Variants in PRAMEF15 observed in about 807,000 individuals in gnomAD.
PRAMEF15 encodes the protein PRAME family member 9/15.
A neutral mutation model predicts 35.3 loss-of-function variants in PRAMEF15; 21 were observed. The observed-to-expected ratio is 0.59, with a 90% CI of 0.42 to 0.86. The LOEUF (loss-of-function observed/expected upper bound fraction) is 0.86, where lower values mean the gene tolerates loss of function less well. Ranked by LOEUF, PRAMEF15 falls within the 40% of genes least tolerant of loss-of-function variation. The pLI is 0.00. For synonymous variants in PRAMEF15, 122 were observed against 223.3 expected, an observed-to-expected ratio of 0.55 and a Z score of 4.05; for missense variants, 360 against 574.1, an observed-to-expected ratio of 0.63 and a Z score of 3.81.
At chr1:13,317,031 A>G (rs1640013455) in intron 1 of PRAMEF15, among the ~76,000 whole-genome samples, 2 of 150,752 alleles carry the variant, frequency 1.3e-5, no homozygotes, top group African/African-American at 4.9e-5. Context: ...CAAAAATCCA[A>G]TAAGGATTAA....
intron 1 of PRAMEF15, among the ~76,000 whole-genome samples, chr1:13,316,327 G>T (rs1461330646): frequency 6.6e-6 from 1 of 151,596 alleles, no homozygotes; most frequent in Non-Finnish European, 1.5e-5. Flanking sequence ...TGGGTGGCTG[G>T]TGTGGGAGAA....
At chr1:13,320,323 C>G (rs1184294998) in intron 3 of PRAMEF15, among the ~76,000 whole-genome samples, 2 of 152,046 alleles carry the variant, frequency 1.3e-5, no homozygotes, top group African/African-American at 4.8e-5. Context: ...CTTTGGGAGT[C>G]TGAGGCAAGA....
chr1:13,316,662 C>G (rs1490332961), intron 1 of PRAMEF15, among the ~76,000 whole-genome samples: 1 of 151,586 alleles, frequency 6.6e-6, no homozygotes, highest in Non-Finnish European at 1.5e-5. Context: ...TCCCTCAGCA[C>G]CAAAAAAAAT....
rs1370285419 is a variant in PRAMEF15 at position 13,318,518 on chromosome 1, T to G, written c.111T>G (p.Leu37=). The G allele has an allele frequency of 2.5e-6, 4 of 1,601,634 alleles. No homozygotes were observed. In the African/African-American group the frequency reaches 5.3e-5, roughly 21 times the overall value. Reference sequence around the variant, plus strand: ...CCCTGGAGGAGCTGCCCACAGAACTTTTCCCCCCACTGTTCATGGAGGCCT... The same window carrying G: ...CCCTGGAGGAGCTGCCCACAGAACTGTTCCCCCCACTGTTCATGGAGGCCT... ...MSTLEELPTE[L]FPPLFMEAFS... is the part of the protein sequence containing the mutation. Residue 37 remains leucine, a synonymous_variant, in exon 2 of 4, where the codon CTT becomes CTG. Coordinates refer to ENST00000376152, the MANE Select transcript of PRAMEF15 (RefSeq NM_001098376.3).
intron 3 of PRAMEF15, among the ~76,000 whole-genome samples, chr1:13,320,558 G>A (rs1478320871): frequency 6.6e-6 from 1 of 151,920 alleles, no homozygotes; most frequent in African/African-American, 2.4e-5. Flanking sequence ...TGAGTGCCTG[G>A]GATTACAGGC....
chr1:13,321,962 T>C lies in PRAMEF15; in HGVS notation c.1135T>C (p.Cys379Arg). 1.2e-6 allele frequency: 2 copies of C among 1,611,018 alleles called. No homozygotes were observed. The highest frequency in any genetic ancestry group is 1.7e-6 in the Non-Finnish European group (2 of 1,179,648). The change falls in exon 4 of 4, where the codon TGC becomes CGC. Residue 379 changes from cysteine to arginine, a missense_variant. Transcript: ENST00000376152. ...CGCCATCCTGCCTGCCCTGAGCCGC[T>C]GCTTTGAGCTCAACACCTTCAGCTT... is the stretch of plus-strand genomic sequence containing the variant. ...VNAILPALSR[C>R]FELNTFSFCG...
At position 13,321,934 on chromosome 1, in the gene PRAMEF15, C is replaced by G. The variant is rs1474858878; in HGVS notation, c.1107C>G (p.Val369=). The change falls in exon 4 of 4, where the codon GTC becomes GTG. Residue 369 remains valine (V), a synonymous_variant. Coordinates refer to ENST00000376152, the MANE Select transcript of PRAMEF15 (RefSeq NM_001098376.3). ...LDDCGIIDSQ[V]NAILPALSRC... ...ACTGTGGCATCATAGACTCCCAAGTCAACGCCATCCTGCCTGCCCTGAGCC... is the reference window on the plus strand; with the variant it reads ...ACTGTGGCATCATAGACTCCCAAGTGAACGCCATCCTGCCTGCCCTGAGCC... 2.0e-3 allele frequency: 3,200 copies of G among 1,611,022 alleles called. 100 individuals are homozygous for G. In the South Asian group the frequency reaches 0.033, roughly 17 times the overall value.
At chr1:13,316,305 G>T (rs1459446445) in intron 1 of PRAMEF15, among the ~76,000 whole-genome samples, 1 of 149,730 alleles carries the variant, frequency 6.7e-6, no homozygotes, top group Non-Finnish European at 1.5e-5. Flanking sequence ...TGCATCTGTA[G>T]TCCCAGCTAT....
intron 1 of PRAMEF15, among the ~76,000 whole-genome samples, chr1:13,318,145 G>T (rs1640030814): frequency 6.6e-6 from 1 of 152,040 alleles, no homozygotes; most frequent in Non-Finnish European, 1.5e-5. Context: ...ACTAGTCACT[G>T]GATGGAGCAC....
intron 1 of PRAMEF15, among the ~76,000 whole-genome samples, chr1:13,316,063 G>A (rs1244398169): frequency 2.0e-5 from 3 of 150,874 alleles, no homozygotes; most frequent in African/African-American, 4.9e-5. Flanking sequence ...GCAGTGGCAC[G>A]ATCTCAACTC....
Position 13,321,803 on chromosome 1 carries a change from A to G in PRAMEF15, c.976A>G (p.Lys326Glu). 6.2e-7 allele frequency: 1 copy of G among 1,608,496 alleles called. No individual in the cohort carries two copies. The highest frequency in any genetic ancestry group is 8.5e-7 in the Non-Finnish European group (1 of 1,177,626). Reference protein sequence around the residue: ...LSQCPSISQLKTLDLSGIRLT... With the variant: ...LSQCPSISQLETLDLSGIRLT... ...CCAGTGCCCGAGTATCAGTCAACTA[A>G]AGACCCTGGACCTGAGTGGCATCAG... is the stretch of plus-strand genomic sequence containing the variant. The change falls in exon 4 of 4, where the codon AAG becomes GAG. Residue 326 changes from lysine (K) to glutamate (E), a missense_variant. By Grantham distance (56) the Lys-to-Glu change is moderately conservative. Transcript: ENST00000376152.
At chr1:13,317,626 G>A (rs1448017555) in intron 1 of PRAMEF15, among the ~76,000 whole-genome samples, 2 of 151,838 alleles carry the variant, frequency 1.3e-5, no homozygotes, top group South Asian at 2.1e-4. Context: ...AAAAATAGAA[G>A]ATGAGCTGGG....
rs1569793455 is a variant in PRAMEF15, at chr1:13,319,251, G to A, written c.294-121G>A. 5 of 1,530,276 alleles carry A rather than the reference G, an allele frequency of 3.3e-6. No individual in the cohort carries two copies. In the African/African-American group the frequency reaches 5.5e-5, roughly 17 times the overall value. The allele number at this position is 1,530,276 out of a possible 1,614,324, so 94.8% of individuals were successfully genotyped here. ...GGGCAGGATCCAAGGGGAAAACAGA[G>A]TGAAGAAAAGTCAGAGAGAGGGACA... On this transcript the variant is annotated intron_variant, in intron 2 of 3. Transcript: ENST00000376152.
intron 1 of PRAMEF15, among the ~76,000 whole-genome samples, chr1:13,317,701 G>T (rs1327253331): frequency 6.6e-6 from 1 of 151,582 alleles, no homozygotes; most frequent in Non-Finnish European, 1.5e-5. Flanking sequence ...CCTTTGAGCT[G>T]GGAGGTCAAG....
intron 1 of PRAMEF15, 60 bp from the exon 2 acceptor site, chr1:13,318,332 T>A: frequency 6.5e-7 from 1 of 1,529,358 alleles, no homozygotes; most frequent in East Asian, 2.3e-5. Flanking sequence ...TAGGAGAAGA[T>A]GAGATTGCAT....
chr1:13,321,883 C>T lies in PRAMEF15; in HGVS notation c.1056C>T (p.Ala352=). The change falls in exon 4 of 4, where the codon GCC becomes GCT. Residue 352 remains alanine, a synonymous_variant. Coordinates refer to ENST00000376152, the MANE Select transcript of PRAMEF15 (RefSeq NM_001098376.3). ...AAATTCTCCTAGAAAAAGTTGCAGC[C>T]ACCCTTGAGTACCTGGATTTAGATG... ...PLQILLEKVA[A]TLEYLDLDDC... is the part of the protein sequence containing the mutation. 1.2e-6 allele frequency: 2 copies of T among 1,610,524 alleles called. No homozygotes were observed. The highest frequency in any genetic ancestry group is 1.7e-6 in the Non-Finnish European group (2 of 1,178,898).
In PRAMEF15 at chr1:13,321,893, T is replaced by C. The variant is rs2100326947; in HGVS notation, c.1066T>C (p.Tyr356His). Reference sequence around the variant, plus strand: ...AGAAAAAGTTGCAGCCACCCTTGAGTACCTGGATTTAGATGACTGTGGCAT... The same window carrying C: ...AGAAAAAGTTGCAGCCACCCTTGAGCACCTGGATTTAGATGACTGTGGCAT... ...LLEKVAATLE[Y>H]LDLDDCGIID... is the part of the protein sequence containing the mutation. The change falls in exon 4 of 4, where the codon TAC (tyrosine) becomes CAC (histidine). Residue 356 changes from tyrosine to histidine, a missense_variant. This residue lies in a region of PRAMEF15 where 72 missense variants were observed against 79.9 expected (regional missense o/e 0.90). Coordinates refer to ENST00000376152, the MANE Select transcript of PRAMEF15 (RefSeq NM_001098376.3). The C allele has an allele frequency of 1.9e-6, 3 of 1,611,028 alleles. No individual in the cohort carries two copies. The South Asian group carries it at 3.3e-5, about 18-fold the overall frequency.
chr1:13,320,492 C>T (rs1569795347), intron 3 of PRAMEF15, among the ~76,000 whole-genome samples: 1 of 151,954 alleles, frequency 6.6e-6, no homozygotes, highest in Non-Finnish European at 1.5e-5. Context: ...TGTGACATCT[C>T]AGCTCGCAGC....
chr1:13,320,198 T>A (rs1388149469), intron 3 of PRAMEF15, among the ~76,000 whole-genome samples: 2 of 152,168 alleles, frequency 1.3e-5, no homozygotes, highest in African/African-American at 4.8e-5. Context: ...AGCTAGCTAC[T>A]GGGGGGTTCA....
Sources: gnomAD v4.1 joint callset for allele counts (sites outside exome capture counted in the v4.1 genomes callset) on GRCh38, gnomAD v4.1.1 for gene constraint, gnomAD v4.1.1 regional missense constraint, MANE v1.5 for transcripts, NCBI Gene and HGNC (gene_info 2026-07-23, HGNC 2026-07-21) for gene names.